Variants in SLCO4C1 observed in about 807,000 individuals in gnomAD.
SLCO4C1 encodes the protein solute carrier organic anion transporter family member 4C1, also known as organic anion transporter M1.
A neutral mutation model predicts 72.1 loss-of-function variants in SLCO4C1; 58 were observed. That is an observed-to-expected ratio of 0.80 (90% CI 0.65 to 1.00). SLCO4C1 has a LOEUF of 1.00. Among genes scored for constraint, SLCO4C1 ranks in the 50% least tolerant of loss-of-function variants. The probability of loss-of-function intolerance (pLI) is 0.00; values close to 1 mark genes in which losing one functional copy is unlikely to be tolerated. For missense variants in SLCO4C1, 898 were observed against 857.9 expected, an observed-to-expected ratio of 1.05 and a Z score of -0.58; for synonymous variants, 297 against 312.5, an observed-to-expected ratio of 0.95 and a Z score of 0.52.
At chr5:102,274,596 T>C (rs934644064) in intron 2 of SLCO4C1, among the ~76,000 whole-genome samples, 2 of 152,108 alleles carry the variant, frequency 1.3e-5, no homozygotes, top group Non-Finnish European at 2.9e-5. Context: ...GTGATGTGAT[T>C]CCACTTCCCC....
chr5:102,296,047 T>C lies in SLCO4C1; in HGVS notation c.216A>G (p.Glu72=), dbSNP rs746030354. 1.7e-5 allele frequency: 27 copies of C among 1,614,076 alleles called. No individual in the cohort carries two copies. Among genetic ancestry groups the C allele is most frequent in the Non-Finnish European group, 2.3e-5 (27 of 1,180,024 alleles). Reference sequence around the variant, plus strand: ...ACAGCGACAGTGACCGGAGCTTCTCTTCGGAGACATTGGGAGGGGCTGAAG... The same window carrying C: ...ACAGCGACAGTGACCGGAGCTTCTCCTCGGAGACATTGGGAGGGGCTGAAG... ...SLPSAPPNVS[E]EKLRSLSLSE... is the part of the protein sequence containing the mutation. Residue 72 remains glutamate, a synonymous_variant, in exon 1 of 13, where the codon GAA becomes GAG. Transcript: ENST00000310954.
intron 10 of SLCO4C1, among the ~76,000 whole-genome samples, chr5:102,243,580 C>G (rs1748585823): frequency 6.6e-6 from 1 of 152,170 alleles, no homozygotes; most frequent in African/African-American, 2.4e-5. Flanking sequence ...TTAGAACACC[C>G]AAGTCCTTTC....
Position 102,249,718 on chromosome 5 carries a change from GATA to G in SLCO4C1, c.1537_1539del (p.Tyr513del), listed in dbSNP as rs1249977093. 5.0e-6 allele frequency: 8 copies of G among 1,613,840 alleles called. No individual in the cohort carries two copies. The highest frequency in any genetic ancestry group is 1.7e-5 in the Admixed American group (1 of 59,968). ...TATTGGACTCCATCTCCACAGACAGGATAATAATATGATCGCGAACAGTTACAA... is the reference window on the plus strand; with the variant it reads ...TATTGGACTCCATCTCCACAGACAGGATAATATGATCGCGAACAGTTACAA... On this transcript the variant is annotated inframe_deletion, in exon 9 of 13. Transcript: ENST00000310954.
chr5:102,263,769 C>A lies in SLCO4C1; in HGVS notation c.814G>T (p.Ala272Ser). The A allele has an allele frequency of 1.9e-6, 3 of 1,612,026 alleles. No individual in the cohort carries two copies. The highest frequency in any genetic ancestry group is 2.5e-6 in the Non-Finnish European group (3 of 1,178,708). ...ATAGCAGGGCCTAAGATTGACATAG[C>A]ATAACCGGTTCCTAGAAGAAGAACA... Reference protein sequence around the residue: ...KSSLYIGTGYAMSILGPAIGY... With the variant: ...KSSLYIGTGYSMSILGPAIGY... Residue 272 changes from alanine to serine, a missense_variant, in exon 4 of 13, where the codon GCT (alanine) becomes TCT (serine). Physicochemically the swap from Ala to Ser is moderately conservative, Grantham distance 99. Coordinates refer to ENST00000310954, the MANE Select transcript of SLCO4C1 (RefSeq NM_180991.5).
intron 2 of SLCO4C1, among the ~76,000 whole-genome samples, chr5:102,274,029 T>C (rs1298481532): frequency 6.6e-6 from 1 of 152,002 alleles, no homozygotes; most frequent in Non-Finnish European, 1.5e-5. Flanking sequence ...AATAAAAATA[T>C]ACTATAATTA....
Position 102,260,286 on chromosome 5 carries a change from TG to T in SLCO4C1, c.1054del (p.Gln352ArgfsTer11). 1 of 1,369,182 alleles carries T rather than the reference TG, an allele frequency of 7.3e-7. No individual in the cohort carries two copies. Among genetic ancestry groups the T allele is most frequent in the South Asian group, 2.3e-5 (1 of 44,084 alleles). The allele number at this position is 1,369,182 out of a possible 1,614,324, so 84.8% of individuals were successfully genotyped here. ...TAEIQAGKTS[Q>X]AHQSNSNADV... ...TGCATTACTATTACTCTGATGAGCCTGGGAAGTTTTTCCAGCTTGAATTTCT... is the reference window on the plus strand; with the variant it reads ...TGCATTACTATTACTCTGATGAGCCTGGAAGTTTTTCCAGCTTGAATTTCT... On this transcript the variant is annotated frameshift_variant, in exon 6 of 13. Coordinates refer to ENST00000310954, the MANE Select transcript of SLCO4C1 (RefSeq NM_180991.5). LOFTEE classifies it high-confidence loss of function.
intron 10 of SLCO4C1, among the ~76,000 whole-genome samples, chr5:102,242,381 G>T (rs1292278096): frequency 6.6e-6 from 1 of 152,116 alleles, no homozygotes; most frequent in Non-Finnish European, 1.5e-5. Context: ...ATGGAGTCCT[G>T]GTATTACTCC....
At chr5:102,261,630 T>C (rs1335398852) in intron 5 of SLCO4C1, among the ~76,000 whole-genome samples, 1 of 151,932 alleles carries the variant, frequency 6.6e-6, no homozygotes, top group Non-Finnish European at 1.5e-5. Flanking sequence ...TGCATACACA[T>C]AAAGCAGAAT....
chr5:102,280,457 G>A (rs1580263990), intron 2 of SLCO4C1, among the ~76,000 whole-genome samples: 1 of 151,794 alleles, frequency 6.6e-6, no homozygotes. Flanking sequence ...AAAAATTAAA[G>A]AAAATCTAAA....
rs762059179 is a variant in SLCO4C1 at position 102,249,764 on chromosome 5, T to C, written c.1494A>G (p.Ile498Met). 8 of 1,613,818 alleles carry C rather than the reference T, an allele frequency of 5.0e-6. No homozygotes were observed. In the South Asian group the frequency reaches 8.8e-5, roughly 18 times the overall value. Residue 498 changes from isoleucine (I) to methionine (M), a missense_variant, in exon 9 of 13, where the codon ATA becomes ATG. By Grantham distance (10) the Ile-to-Met change is conservative (BLOSUM62 1). Coordinates refer to ENST00000310954, the MANE Select transcript of SLCO4C1 (RefSeq NM_180991.5). ...AGTTACAATTGGCATTACAAGGGGC[T>C]ATCAAGTTTCCCAATTCTCCAGTCC... ...YNGTGELGNL[I>M]APCNANCNCS... is the part of the protein sequence containing the mutation.
chr5:102,258,179 T>G, intron 6 of SLCO4C1, 92 bp from the exon 7 acceptor site: 3 of 1,040,390 alleles, frequency 2.9e-6, no homozygotes, highest in Non-Finnish European at 4.0e-6. Flanking sequence ...ATAACAAAAT[T>G]TTACAATCAT....
chr5:102,287,606 A>G (rs1310625032), intron 2 of SLCO4C1, among the ~76,000 whole-genome samples: 2 of 141,730 alleles, frequency 1.4e-5, no homozygotes, highest in Non-Finnish European at 3.0e-5. Flanking sequence ...GTGCAATGGT[A>G]CGGTTTCAGC....
intron 8 of SLCO4C1, among the ~76,000 whole-genome samples, chr5:102,255,641 C>T (rs1271593260): frequency 1.3e-5 from 2 of 152,080 alleles, no homozygotes; most frequent in Non-Finnish European, 2.9e-5. Flanking sequence ...CTCTCCCTTT[C>T]TCTCTTCTCA....
chr5:102,285,276 T>G (rs1174020502), intron 2 of SLCO4C1, among the ~76,000 whole-genome samples: 8 of 151,576 alleles, frequency 5.3e-5, no homozygotes, highest in African/African-American at 9.7e-5. Context: ...CACACACATA[T>G]ATATTTTTTT....
At chr5:102,277,684 C>A (rs74335359) in intron 2 of SLCO4C1, among the ~76,000 whole-genome samples, 3,048 of 152,090 alleles carry the variant, frequency 0.02, 108 homozygotes, top group African/African-American at 0.07. Context: ...GACTTCGATG[C>A]CACTCGGCAA....
chr5:102,238,853 A>G (rs1748485033), intron 12 of SLCO4C1, among the ~76,000 whole-genome samples: 1 of 152,170 alleles, frequency 6.6e-6, no homozygotes, highest in South Asian at 2.1e-4. Flanking sequence ...TTGGAGACAA[A>G]GGATACTTCC....
In SLCO4C1 at chr5:102,247,378, C is replaced by A; in HGVS notation, c.1685G>T (p.Gly562Val). The A allele has an allele frequency of 6.3e-7, 1 of 1,595,774 alleles. No homozygotes were observed. Among genetic ancestry groups the A allele is most frequent in the Non-Finnish European group, 8.6e-7 (1 of 1,166,274 alleles). ...TEITSTAETF[G>V]FEAKAGKCET... ...ACATTTTCCAGCTTTAGCTTCAAAACCAAAAGTTTCTGCAGTGGATGTTAT... is the reference window on the plus strand; with the variant it reads ...ACATTTTCCAGCTTTAGCTTCAAAAACAAAAGTTTCTGCAGTGGATGTTAT... Residue 562 changes from glycine to valine, a missense_variant, in exon 10 of 13, where the codon GGT becomes GTT. Transcript: ENST00000310954.
chr5:102,267,562 T>C (rs13356430), intron 3 of SLCO4C1, among the ~76,000 whole-genome samples: 17,074 of 150,724 alleles, frequency 0.11, 1,160 homozygotes, highest in African/African-American at 0.15. Flanking sequence ...AAACCAATTT[T>C]CATTTCATTG....
At chr5:102,264,282 C>G (rs1748995206) in intron 3 of SLCO4C1, among the ~76,000 whole-genome samples, 1 of 152,026 alleles carries the variant, frequency 6.6e-6, no homozygotes, top group Non-Finnish European at 1.5e-5. Context: ...TAGGGACTCT[C>G]CCTATTTTTA....
Sources: allele counts gnomAD v4.1 joint callset (sites outside exome capture counted in the v4.1 genomes callset), GRCh38; gene constraint gnomAD v4.1.1; transcripts MANE v1.5; gene names NCBI Gene and HGNC (gene_info 2026-07-23, HGNC 2026-07-21).